Variants in RANBP2 observed in about 807,000 individuals in gnomAD.
RANBP2 encodes the protein E3 SUMO-protein ligase RanBP2.
A neutral mutation model predicts 303.6 loss-of-function variants in RANBP2; 57 were observed. That is an observed-to-expected ratio of 0.19 (90% confidence interval 0.15 to 0.23). RANBP2 has a LOEUF of 0.23. Ranked by LOEUF, RANBP2 falls within the 10% of genes least tolerant of loss-of-function variation. RANBP2 has a pLI of 1.00. For synonymous variants in RANBP2, 1,167 were observed against 1,301.5 expected, an observed-to-expected ratio of 0.90 and a Z score of 2.23; for missense variants, 3,138 against 3,780.8, an observed-to-expected ratio of 0.83 and a Z score of 4.46.
chr2:109,695,526 C>T, the RANBP2 span, among the ~76,000 whole-genome samples: 32 of 152,300 alleles, frequency 2.1e-4, no homozygotes, highest in Non-Finnish European at 4.0e-4. Context: ...CAGGTGCTAC[C>T]GGTGGGGCTG....
chr2:109,071,701 T>C, the RANBP2 span, among the ~76,000 whole-genome samples: 2 of 150,802 alleles, frequency 1.3e-5, no homozygotes, highest in East Asian at 3.9e-4. Flanking sequence ...TATGTAGAGA[T>C]GTTAGGTTGG....
At chr2:108,939,475 C>A in the RANBP2 span, among the ~76,000 whole-genome samples, 3 of 152,246 alleles carry the variant, frequency 2.0e-5, no homozygotes, top group East Asian at 3.9e-4. Context: ...GACAGATTAC[C>A]AGGTGGGGAG....
chr2:108,726,111 T>G, intron 1 of RANBP2, among the ~76,000 whole-genome samples: 1 of 152,202 alleles, frequency 6.6e-6, no homozygotes, highest in East Asian at 1.9e-4. Flanking sequence ...AATGGAAGAT[T>G]ATATAAATAA....
the RANBP2 span, among the ~76,000 whole-genome samples, chr2:108,842,084 CAGTGATGATCAT>C: frequency 1.3e-5 from 2 of 152,080 alleles, no homozygotes; most frequent in Non-Finnish European, 2.9e-5. Flanking sequence ...GGCAGGAGTG[CAGTGATGATCAT>C]AGATCACTGC....
the RANBP2 span, among the ~76,000 whole-genome samples, chr2:109,714,964 T>TTGG: frequency 6.2e-5 from 1 of 16,226 alleles, no homozygotes; most frequent in South Asian, 1.7e-3. Flanking sequence ...AGGTTTTTTT[T>TTGG]GGGGGGGTGG....
chr2:109,369,181 T>TA, the RANBP2 span, among the ~76,000 whole-genome samples: 3,865 of 138,202 alleles, frequency 0.028, 182 homozygotes, highest in East Asian at 0.21. Context: ...CGTCTCTTCT[T>TA]AAAAAAAAAA....
At chr2:109,357,185 T>A in the RANBP2 span, among the ~76,000 whole-genome samples, 9 of 150,742 alleles carry the variant, frequency 6.0e-5, no homozygotes, top group African/African-American at 2.0e-4. Context: ...TTTTTTGTTT[T>A]TTGGTTTTTT....
chr2:109,583,566 G>A, the RANBP2 span, among the ~76,000 whole-genome samples: 10 of 152,186 alleles, frequency 6.6e-5, no homozygotes, highest in Admixed American at 4.6e-4. Flanking sequence ...CAGCCACTGT[G>A]GAAAGCAGTT....
chr2:109,408,079 G>C, the RANBP2 span, among the ~76,000 whole-genome samples: 2 of 152,146 alleles, frequency 1.3e-5, no homozygotes, highest in African/African-American at 4.8e-5. Context: ...GCTCTGGGTG[G>C]GCACTTGCTG....
At chr2:109,603,854 T>G in the RANBP2 span, among the ~76,000 whole-genome samples, 1 of 151,958 alleles carries the variant, frequency 6.6e-6, no homozygotes, top group African/African-American at 2.4e-5. Context: ...GCCAATATGG[T>G]GAAACCGTCT....
At chr2:109,548,361 C>T in the RANBP2 span, among the ~76,000 whole-genome samples, 1 of 152,124 alleles carries the variant, frequency 6.6e-6, no homozygotes, top group Non-Finnish European at 1.5e-5. Context: ...ACCTGGCATT[C>T]ATGCAAACAA....
At chr2:109,591,662 GGAGGCAGATGGATCACTT>G in the RANBP2 span, among the ~76,000 whole-genome samples, 1 of 151,952 alleles carries the variant, frequency 6.6e-6, no homozygotes, top group African/African-American at 2.4e-5. Flanking sequence ...TTTGGGAGGC[GGAGGCAGATGGATCACTT>G]GAGGCCAGGA....
At chr2:109,262,538 T>G in the RANBP2 span, among the ~76,000 whole-genome samples, 1 of 152,218 alleles carries the variant, frequency 6.6e-6, no homozygotes, top group South Asian at 2.1e-4. Flanking sequence ...GCCTCATCCT[T>G]CAAAGGTTTT....
At chr2:109,595,936 C>A in the RANBP2 span, among the ~76,000 whole-genome samples, 1 of 152,214 alleles carries the variant, frequency 6.6e-6, no homozygotes, top group African/African-American at 2.4e-5. Flanking sequence ...TACCTGCTTG[C>A]CTCTCAGCAT....
the RANBP2 span, among the ~76,000 whole-genome samples, chr2:109,573,626 G>C: frequency 5.3e-5 from 8 of 152,166 alleles, no homozygotes; most frequent in Non-Finnish European, 2.9e-5. Flanking sequence ...GCAGCATCCA[G>C]AACAACCTTG....
the RANBP2 span, among the ~76,000 whole-genome samples, chr2:109,612,152 C>CA: frequency 1.3e-5 from 2 of 151,600 alleles, no homozygotes; most frequent in Non-Finnish European, 2.9e-5. Flanking sequence ...ATATATGCAA[C>CA]AACCTGGATG....
the RANBP2 span, among the ~76,000 whole-genome samples, chr2:108,916,216 C>T: frequency 2.0e-5 from 3 of 152,204 alleles, no homozygotes; most frequent in Non-Finnish European, 2.9e-5. Context: ...TTCAGTAAGG[C>T]GCTCAAGGGA....
the RANBP2 span, chr2:109,490,791 G>A: frequency 6.5e-7 from 1 of 1,536,882 alleles, no homozygotes; most frequent in Admixed American, 2.0e-5. Context: ...CTGCCCCATA[G>A]AGAGCGAGAT....
At chr2:109,066,169 C>T in the RANBP2 span, among the ~76,000 whole-genome samples, 6 of 151,680 alleles carry the variant, frequency 4.0e-5, no homozygotes, top group Admixed American at 3.9e-4. Flanking sequence ...AGTGCAGTGG[C>T]GAAATCTTAG....
Sources: allele counts gnomAD v4.1 joint callset (sites outside exome capture counted in the v4.1 genomes callset), GRCh38; gene constraint gnomAD v4.1.1; transcripts MANE v1.5; gene names NCBI Gene and HGNC (gene_info 2026-07-23, HGNC 2026-07-21).